The following C2orf74 variants were observed in gnomAD, a reference collection of about 807,000 sequenced individuals.
C2orf74 encodes the protein DPM1 ER membrane anchor 1.
A neutral mutation model predicts 17.9 loss-of-function variants in C2orf74; 14 were observed. That is an observed-to-expected ratio of 0.78 (90% confidence interval 0.52 to 1.22). C2orf74 has a LOEUF of 1.22. Among genes scored for constraint, C2orf74 ranks in the 50% most tolerant of loss-of-function variants. C2orf74 has a pLI of 0.00. For synonymous variants in C2orf74, 79 were observed against 72.6 expected, an observed-to-expected ratio of 1.09 and a Z score of -0.44; for missense variants, 217 against 218.4, an observed-to-expected ratio of 0.99 and a Z score of 0.04.
In C2orf74 at chr2:61,164,581, A is replaced by T; in HGVS notation, c.*54A>T. The T allele has an allele frequency of 1.5e-6, 2 of 1,317,230 alleles. No homozygotes were observed. Among genetic ancestry groups the T allele is most frequent in the Non-Finnish European group, 2.0e-6 (2 of 993,212 alleles). 81.6% of individuals were successfully genotyped at this position (1,317,230 alleles called of 1,614,324 possible). A position where few individuals can be genotyped will look rare whatever the true frequency, so the allele number is the denominator to read the frequency against. On this transcript the variant is annotated 3_prime_UTR_variant, in exon 5 of 5. Transcript: ENST00000432605. ...AATGTAACGTTTGACTAACGTTGAAAGACTGAGGGTACAAAATCATGTTGA... is the reference window on the plus strand; with the variant it reads ...AATGTAACGTTTGACTAACGTTGAATGACTGAGGGTACAAAATCATGTTGA...
In C2orf74 at chr2:61,162,957, C is replaced by T. The variant is rs1169651254; in HGVS notation, c.209+2C>T. The T allele has an allele frequency of 7.7e-6, 12 of 1,552,066 alleles. No individual in the cohort carries two copies. The highest frequency in any genetic ancestry group is 3.9e-5 in the Admixed American group (2 of 50,976). Reference sequence around the variant, plus strand: ...AAGCAATCCAGAGGACCATGAAAGGCGAGTGTGGTGCAGGATGTGGCAGAG... The same window carrying T: ...AAGCAATCCAGAGGACCATGAAAGGTGAGTGTGGTGCAGGATGTGGCAGAG... On this transcript the variant is annotated splice_donor_variant, in intron 3 of 4. Coordinates refer to ENST00000432605, the MANE Select transcript of C2orf74 (RefSeq NM_001143959.4). LOFTEE classifies it low-confidence loss of function (GC_TO_GT_DONOR).
At chr2:61,147,657 AT>A (rs1685109763) in intron 1 of C2orf74, among the ~76,000 whole-genome samples, 1 of 151,812 alleles carries the variant, frequency 6.6e-6, no homozygotes. Context: ...CCTTTTTTCT[AT>A]TTTGCCTTTC....
chr2:61,149,803 TCC>T (rs936542951), intron 1 of C2orf74, among the ~76,000 whole-genome samples: 1 of 152,028 alleles, frequency 6.6e-6, no homozygotes, highest in African/African-American at 2.4e-5. Flanking sequence ...GGTCTCGAAC[TCC>T]TGACCTCAGG....
In C2orf74 at chr2:61,162,241, C is replaced by T. The variant is rs939888369; in HGVS notation, c.-179C>T. On this transcript the variant is annotated 5_prime_UTR_variant, in exon 1 of 5. Coordinates refer to ENST00000432605, the MANE Select transcript of C2orf74 (RefSeq NM_001143959.4). Reference sequence around the variant, plus strand: ...TTTTTGGGGTGAGGGAGGTGAGCTGCGTGATCACACATGTCCCAGCTCAGT... The same window carrying T: ...TTTTTGGGGTGAGGGAGGTGAGCTGTGTGATCACACATGTCCCAGCTCAGT... 40 of 450,276 alleles carry T rather than the reference C, an allele frequency of 8.9e-5. No homozygotes were observed. The highest frequency in any genetic ancestry group is 1.0e-4 in the African/African-American group (5 of 50,026). 27.9% of individuals were successfully genotyped at this position (450,276 alleles called of 1,614,324 possible).
At chr2:61,148,428 C>G (rs1559174433) in intron 1 of C2orf74, among the ~76,000 whole-genome samples, 1 of 152,014 alleles carries the variant, frequency 6.6e-6, no homozygotes, top group Non-Finnish European at 1.5e-5. Flanking sequence ...CTCAGGTGAT[C>G]TACCTGCCTC....
In C2orf74 at chr2:61,164,448, G is replaced by T. The variant is rs1323170115; in HGVS notation, c.485G>T (p.Arg162Met). 6.4e-7 allele frequency: 1 copy of T among 1,551,116 alleles called. No homozygotes were observed. Among genetic ancestry groups the T allele is most frequent in the African/African-American group, 1.4e-5 (1 of 72,894 alleles). ...KRPLKGVTFS[R>M]EVIVVDLGNE... ...CCTTTAAAAGGAGTGACATTTTCTA[G>T]GGAGGTAATTGTTGTGGATCTTGGG... The change falls in exon 5 of 5, where the codon AGG (arginine) becomes ATG (methionine). Residue 162 changes from arginine to methionine, a missense_variant. Physicochemically the swap from Arg to Met is moderately conservative, Grantham distance 91. Coordinates refer to ENST00000432605, the MANE Select transcript of C2orf74 (RefSeq NM_001143959.4).
chr2:61,162,583 C>A lies in C2orf74; in HGVS notation c.69C>A (p.Leu23=). 1.3e-6 allele frequency: 2 copies of A among 1,549,754 alleles called. No homozygotes were observed. The highest frequency in any genetic ancestry group is 1.7e-6 in the Non-Finnish European group (2 of 1,145,384). ...ILLICLICIL[L]LLVVFLYKCF... ...TAATTTGCCTCATTTGCATCCTCCTCTTATTGGTGGTTTTTTTATATAAAT... is the reference window on the plus strand; with the variant it reads ...TAATTTGCCTCATTTGCATCCTCCTATTATTGGTGGTTTTTTTATATAAAT... The change falls in exon 2 of 5, where the codon CTC becomes CTA. Residue 23 remains leucine, a synonymous_variant. Coordinates refer to ENST00000432605, the MANE Select transcript of C2orf74 (RefSeq NM_001143959.4).
chr2:61,151,671 G>C (rs912684434), intron 1 of C2orf74: 2 of 152,110 alleles, frequency 1.3e-5, no homozygotes, highest in African/African-American at 4.8e-5. Context: ...GGCTGCTTGA[G>C]TGTCCTTACA....
intron 1 of C2orf74, among the ~76,000 whole-genome samples, chr2:61,147,084 G>A (rs192847067): frequency 1.3e-5 from 2 of 152,140 alleles, no homozygotes; most frequent in East Asian, 1.9e-4. Context: ...TGGGGGGATC[G>A]GTTGAGCCCA....
At position 61,162,478 on chromosome 2, in the gene C2orf74, G is replaced by C; in HGVS notation, c.-37G>C. On this transcript the variant is annotated 5_prime_UTR_variant, in exon 2 of 5. Coordinates refer to ENST00000432605, the MANE Select transcript of C2orf74 (RefSeq NM_001143959.4). Reference sequence around the variant, plus strand: ...CTGGAAAAGAATATTTGGACAGTCTGTGATTGTGAGAGTGGATGAGTCTTC... The same window carrying C: ...CTGGAAAAGAATATTTGGACAGTCTCTGATTGTGAGAGTGGATGAGTCTTC... 1.4e-6 allele frequency: 2 copies of C among 1,447,964 alleles called. No homozygotes were observed. The highest frequency in any genetic ancestry group is 2.5e-5 in the East Asian group (1 of 40,540). 89.7% of individuals were successfully genotyped at this position (1,447,964 alleles called of 1,614,324 possible). A position where few individuals can be genotyped will look rare whatever the true frequency, so the allele number is the denominator to read the frequency against.
intron 1 of C2orf74, among the ~76,000 whole-genome samples, chr2:61,152,803 G>A (rs551007641): frequency 2.1e-4 from 27 of 128,138 alleles, no homozygotes; most frequent in African/African-American, 8.1e-4. Context: ...AGCCAAGATT[G>A]CGCCATTGCA....
chr2:61,157,179 T>G (rs1665261), intron 1 of C2orf74, among the ~76,000 whole-genome samples: 62,854 of 151,946 alleles, frequency 0.41, 13,248 homozygotes, highest in Middle Eastern at 0.5. Flanking sequence ...TAGCTAGGTT[T>G]ACAGGCCCAC....
upstream of C2orf74, among the ~76,000 whole-genome samples, chr2:61,160,553 G>C (rs1223767468): frequency 1.3e-5 from 2 of 151,360 alleles, no homozygotes; most frequent in Non-Finnish European, 2.9e-5. Flanking sequence ...CTGTCACCCA[G>C]GCTGGAGTGC....
upstream of C2orf74, among the ~76,000 whole-genome samples, chr2:61,159,061 ATC>A (rs1573718709): frequency 6.6e-6 from 1 of 152,030 alleles, no homozygotes; most frequent in East Asian, 1.9e-4. Flanking sequence ...CAGTGGTGCA[ATC>A]TCAGCTCACT....
chr2:61,146,164 A>C (rs1685063649), intron 1 of C2orf74, among the ~76,000 whole-genome samples: 1 of 152,272 alleles, frequency 6.6e-6, no homozygotes, highest in African/African-American at 2.4e-5. Context: ...TATAAACTAC[A>C]GTACATACAC....
chr2:61,164,089 G>T (rs1326204198), intron 4 of C2orf74, among the ~76,000 whole-genome samples: 1 of 152,120 alleles, frequency 6.6e-6, no homozygotes, highest in African/African-American at 2.4e-5. Context: ...GTTGACGACA[G>T]AATGATGGTC....
At chr2:61,146,163 C>T (rs1339157963) in intron 1 of C2orf74, among the ~76,000 whole-genome samples, 1 of 152,158 alleles carries the variant, frequency 6.6e-6, no homozygotes, top group Non-Finnish European at 1.5e-5. Context: ...TTATAAACTA[C>T]AGTACATACA....
intron 1 of C2orf74, among the ~76,000 whole-genome samples, chr2:61,145,500 T>G (rs928626149): frequency 1.3e-5 from 2 of 152,202 alleles, no homozygotes; most frequent in African/African-American, 2.4e-5. Flanking sequence ...CTCGGCTCAC[T>G]GCACCCTCCG....
intron 1 of C2orf74, chr2:61,151,353 T>C (rs1357066453): frequency 6.9e-6 from 1 of 145,788 alleles, no homozygotes; most frequent in Non-Finnish European, 1.5e-5. Flanking sequence ...CATTATAATA[T>C]ACAGAAAATC....
Sources: gnomAD v4.1 joint callset for allele counts (sites outside exome capture counted in the v4.1 genomes callset) on GRCh38, gnomAD v4.1.1 for gene constraint, MANE v1.5 for transcripts, NCBI Gene and HGNC (gene_info 2026-07-23, HGNC 2026-07-21) for gene names.